Variants in MAML2 observed in about 807,000 individuals in gnomAD.
MAML2 encodes the protein mastermind-like protein 2.
In MAML2, 22 loss-of-function variants were observed where a neutral mutation model predicts 96.1. The observed-to-expected ratio is 0.23, with a 90% CI of 0.16 to 0.33. The LOEUF (loss-of-function observed/expected upper bound fraction) is 0.33, where lower values mean the gene tolerates loss of function less well. Ranked by LOEUF, MAML2 falls within the 10% of genes least tolerant of loss-of-function variation. MAML2 has a pLI of 1.00. For missense variants in MAML2, 1,367 were observed against 1,392.4 expected (o/e 0.98, Z 0.29); for synonymous variants, 561 against 521.3 (o/e 1.08, Z -1.04).
At position 96,146,413 on chromosome 11, in the gene MAML2, C is replaced by T. The variant is rs540996334; in HGVS notation, c.514-52896G>A. Among the ~76,000 whole-genome samples, 243 of 152,244 alleles carry T rather than the reference C, an allele frequency of 1.6e-3. 1 individual carries two copies. Among genetic ancestry groups the T allele is most frequent in the African/African-American group, 5.3e-3 (219 of 41,514 alleles). On this transcript the variant is annotated intron_variant, in intron 1 of 4. Coordinates refer to ENST00000524717, the MANE Select transcript of MAML2 (RefSeq NM_032427.4). ...TTTTTAAGAATTGTATACAATATTGCTATTAGCAGTGAATCGGGGAGGCAG... is the reference window on the plus strand; with the variant it reads ...TTTTTAAGAATTGTATACAATATTGTTATTAGCAGTGAATCGGGGAGGCAG...
intron 1 of MAML2, among the ~76,000 whole-genome samples, chr11:96,100,834 C>T (rs1264036792): frequency 6.6e-6 from 1 of 151,550 alleles, no homozygotes; most frequent in Admixed American, 6.6e-5. Flanking sequence ...CAGCCTCAAC[C>T]TCCCAGGCTT....
chr11:96,064,824 A>G lies in MAML2; in HGVS notation c.2139+27068T>C, dbSNP rs570268988. On this transcript the variant is annotated intron_variant, in intron 2 of 4. Transcript: ENST00000524717. ...GTGCCTAGCACAAAATAAATCTTCA[A>G]TTGGTTTTAATTATTAATGTTAACA... Among the ~76,000 whole-genome samples, 40 of 152,362 alleles carry G rather than the reference A, an allele frequency of 2.6e-4. No homozygotes were observed. In the East Asian group the frequency reaches 6.4e-3, roughly 24 times the overall value.
chr11:96,317,317 A>G (rs950452439), intron 1 of MAML2, among the ~76,000 whole-genome samples: 2 of 152,174 alleles, frequency 1.3e-5, no homozygotes, highest in African/African-American at 4.8e-5. Context: ...AATACATTTC[A>G]TATCCGACCT....
intron 1 of MAML2, among the ~76,000 whole-genome samples, chr11:96,253,828 A>G (rs1040526544): frequency 6.6e-6 from 1 of 152,214 alleles, no homozygotes; most frequent in African/African-American, 2.4e-5. Flanking sequence ...AGATGGAAAC[A>G]TCTAATGTCA....
chr11:96,286,616 ATT>A (rs1322273053), intron 1 of MAML2, among the ~76,000 whole-genome samples: 1 of 140,392 alleles, frequency 7.1e-6, no homozygotes, highest in Non-Finnish European at 1.5e-5. Context: ...AGCTATTATC[ATT>A]CTTTTTATCT....
chr11:96,071,569 G>A (rs1173223664), intron 2 of MAML2, among the ~76,000 whole-genome samples: 1 of 152,182 alleles, frequency 6.6e-6, no homozygotes, highest in East Asian at 1.9e-4. Flanking sequence ...TATAGTTGAG[G>A]GTTAGGAGTA....
At position 95,979,080 on chromosome 11, in the gene MAML2, T is replaced by C. The variant is rs1266251274; in HGVS notation, c.3339A>G (p.Gln1113=). The C allele has an allele frequency of 6.2e-7, 1 of 1,614,018 alleles. No individual in the cohort carries two copies. Among genetic ancestry groups the C allele is most frequent in the South Asian group, 1.1e-5 (1 of 91,084 alleles). ...GGGCAGGGCCCATGTTATCATTTTG[T>C]TGGCTGAGGAAGTCAAAAGCTAAGT... ...SSDLAFDFLS[Q]QNDNMGPALN... Residue 1113 remains glutamine, a synonymous_variant, in exon 5 of 5, where the codon CAA becomes CAG. Coordinates refer to ENST00000524717, the MANE Select transcript of MAML2 (RefSeq NM_032427.4).
chr11:96,208,483 A>C (rs1861924831), intron 1 of MAML2, among the ~76,000 whole-genome samples: 1 of 152,134 alleles, frequency 6.6e-6, no homozygotes, highest in Non-Finnish European at 1.5e-5. Flanking sequence ...TAGTTGTTAC[A>C]GTCACTTGAG....
At chr11:96,045,360 C>T (rs1455330817) in intron 2 of MAML2, among the ~76,000 whole-genome samples, 4 of 152,138 alleles carry the variant, frequency 2.6e-5, no homozygotes, top group Non-Finnish European at 5.9e-5. Context: ...GAACCCTAGT[C>T]CTGCCACTTC....
chr11:96,093,026 C>A lies in MAML2; in HGVS notation c.1005G>T (p.Lys335Asn). The A allele has an allele frequency of 2.5e-6, 4 of 1,614,016 alleles. No homozygotes were observed. Among genetic ancestry groups the A allele is most frequent in the Non-Finnish European group, 3.4e-6 (4 of 1,179,896 alleles). Residue 335 changes from lysine to asparagine, a missense_variant, in exon 2 of 5, where the codon AAG becomes AAT. Coordinates refer to ENST00000524717, the MANE Select transcript of MAML2 (RefSeq NM_032427.4). The part of the protein sequence containing the change: ...ELENMINATI[K>N]QDDPFNIDLG... ...AGTCAATGTTAAATGGGTCATCCTGCTTTATGGTGGCATTGATCATGTTCT... is the reference window on the plus strand; with the variant it reads ...AGTCAATGTTAAATGGGTCATCCTGATTTATGGTGGCATTGATCATGTTCT...
intron 1 of MAML2, among the ~76,000 whole-genome samples, chr11:96,159,109 T>C (rs970577669): frequency 6.6e-6 from 1 of 152,176 alleles, no homozygotes; most frequent in Non-Finnish European, 1.5e-5. Context: ...ACTTTTGTCA[T>C]AGAAACTTGA....
At chr11:96,219,677 G>A (rs575280336) in intron 1 of MAML2, among the ~76,000 whole-genome samples, 7 of 152,236 alleles carry the variant, frequency 4.6e-5, no homozygotes, top group South Asian at 4.2e-4. Context: ...GTAGGCTGGA[G>A]TGCAGTGGCA....
chr11:96,342,017 G>T lies in MAML2; in HGVS notation c.-122C>A. On this transcript the variant is annotated 5_prime_UTR_variant, in exon 1 of 5. Coordinates refer to ENST00000524717, the MANE Select transcript of MAML2 (RefSeq NM_032427.4). ...CAGTGTTCAGGGCCACATGAATAGA[G>T]GTCTTCAGAGGTTGTGGGGGAGCCG... 1 of 934,804 alleles carries T rather than the reference G, an allele frequency of 1.1e-6. No homozygotes were observed. Among genetic ancestry groups the T allele is most frequent in the Admixed American group, 3.0e-5 (1 of 33,820 alleles). 57.9% of individuals were successfully genotyped at this position (934,804 alleles called of 1,614,324 possible). A position where few individuals can be genotyped will look rare whatever the true frequency, so the allele number is the denominator to read the frequency against.
At chr11:95,991,763 T>TA (rs777100030) in intron 2 of MAML2, 40 bp from the exon 3 acceptor site, 525 of 1,508,252 alleles carry the variant, frequency 3.5e-4, no homozygotes, top group Middle Eastern at 1.4e-3. Flanking sequence ...TACTGTGAAT[T>TA]AAAAAAAGAA....
At chr11:96,054,669 T>A (rs1358051060) in intron 2 of MAML2, among the ~76,000 whole-genome samples, 1 of 152,212 alleles carries the variant, frequency 6.6e-6, no homozygotes, top group African/African-American at 2.4e-5. Flanking sequence ...TTTGTTCCCA[T>A]ATAACCATAT....
chr11:95,984,405 C>T (rs1314529615), intron 4 of MAML2, among the ~76,000 whole-genome samples: 3 of 152,276 alleles, frequency 2.0e-5, no homozygotes, highest in East Asian at 1.9e-4. Flanking sequence ...TGTTTTTGCT[C>T]TGAGGCGAAG....
At position 95,985,489 on chromosome 11, in the gene MAML2, C is replaced by T. The variant is rs776867409; in HGVS notation, c.2455+42G>A. ...TATTGAAAATTGAAGTTTTTTTTTC[C>T]TTTCACAGCTATAATTTTTATTAAT... On this transcript the variant is annotated intron_variant, in intron 4 of 4. Coordinates refer to ENST00000524717, the MANE Select transcript of MAML2 (RefSeq NM_032427.4). 66 of 1,211,982 alleles carry T rather than the reference C, an allele frequency of 5.4e-5. No homozygotes were observed. The Admixed American group carries it at 9.6e-4, about 18-fold the overall frequency. The allele number at this position is 1,211,982 out of a possible 1,614,324, so 75.1% of individuals were successfully genotyped here. A position where few individuals can be genotyped will look rare whatever the true frequency, so the allele number is the denominator to read the frequency against.
chr11:96,235,720 TA>T (rs1480391982), intron 1 of MAML2, among the ~76,000 whole-genome samples: 3 of 152,198 alleles, frequency 2.0e-5, no homozygotes, highest in Admixed American at 6.5e-5. Context: ...CCAAATCAAT[TA>T]AAAAAGGCAT....
chr11:96,277,170 G>A (rs1319102359), intron 1 of MAML2, among the ~76,000 whole-genome samples: 5 of 152,168 alleles, frequency 3.3e-5, no homozygotes, highest in African/African-American at 1.2e-4. Flanking sequence ...GGCATGTAGA[G>A]GATACACCAT....
Sources: gnomAD v4.1 joint callset for allele counts (sites outside exome capture counted in the v4.1 genomes callset) on GRCh38, gnomAD v4.1.1 for gene constraint, MANE v1.5 for transcripts, NCBI Gene and HGNC (gene_info 2026-07-23, HGNC 2026-07-21) for gene names.